SFMBT2: variants seen among roughly 807,000 people sequenced by gnomAD.
SFMBT2 encodes Scm like with four mbt domains 2.
SFMBT2 carries 38 observed loss-of-function variants against 110.1 expected under a neutral mutation model. That is an observed-to-expected ratio of 0.35 (90% CI 0.27 to 0.45). The LOEUF (loss-of-function observed/expected upper bound fraction) is 0.45, where lower values mean the gene tolerates loss of function less well. Among genes scored for constraint, SFMBT2 ranks in the 20% least tolerant of loss-of-function variants. The pLI is 1.00. For missense variants in SFMBT2, 1,011 were observed against 1,094.9 expected, an observed-to-expected ratio of 0.92 and a Z score of 1.08; for synonymous variants, 425 against 425.4, an observed-to-expected ratio of 1.00 and a Z score of 0.01.
At chr10:7,351,451 C>T (rs751898218) in intron 4 of SFMBT2, among the ~76,000 whole-genome samples, 1 of 152,198 alleles carries the variant, frequency 6.6e-6, no homozygotes, top group Non-Finnish European at 1.5e-5. Context: ...TCCTGTAAGG[C>T]AGGTCTCATT....
chr10:7,311,045 C>CA (rs201310544), intron 4 of SFMBT2, among the ~76,000 whole-genome samples: 1,113 of 96,868 alleles, frequency 0.011, 13 homozygotes, highest in East Asian at 0.036. Flanking sequence ...AACTCCATCT[C>CA]AAAAAAAAAA....
intron 14 of SFMBT2, among the ~76,000 whole-genome samples, chr10:7,199,650 A>AT (rs1838890920): frequency 6.6e-6 from 1 of 152,196 alleles, no homozygotes; most frequent in African/African-American, 2.4e-5. Context: ...TTACATGGAA[A>AT]TTTTTTGGTA....
In SFMBT2 at chr10:7,172,622, G is replaced by A. The variant is rs3740212; in HGVS notation, c.2024C>T (p.Pro675Leu). 6.2e-7 allele frequency: 1 copy of A among 1,614,096 alleles called. No individual in the cohort carries two copies. Among genetic ancestry groups the A allele is most frequent in the Non-Finnish European group, 8.5e-7 (1 of 1,180,038 alleles). Reference protein sequence around the residue: ...YGKRKKISKPPIGESNPDSGH... With the variant: ...YGKRKKISKPLIGESNPDSGH... The stretch of plus-strand genomic sequence containing the variant: ...GCTGTCGGGGTTGCTTTCCCCGATG[G>A]GGGGCTTGGAGATCTTCTTTCTCTT... Residue 675 changes from proline (P) to leucine (L), a missense_variant, in exon 18 of 21, where the codon CCC becomes CTC. Around this residue, in one of 2 missense-constraint regions of SFMBT2, gnomAD observed 979 missense variants for 1,016.1 expected, o/e 0.96. Transcript: ENST00000397167. This position sits in a 1 kb window ranked among gnomAD's most constrained non-coding sequence, Gnocchi z 4.6.
In SFMBT2 at chr10:7,172,994, G is replaced by C. The variant is rs1837937399; in HGVS notation, c.1985-333C>G. Among the ~76,000 whole-genome samples, 1 of 152,166 alleles carries C rather than the reference G, an allele frequency of 6.6e-6. No homozygotes were observed. Among genetic ancestry groups the C allele is most frequent in the African/African-American group, 2.4e-5 (1 of 41,424 alleles). ...TGAGGTCCTAAGAGTGTCCAGGAGA[G>C]ACACCAAGGACCCAAGACCCAAAGG... On this transcript the variant is annotated intron_variant, in intron 17 of 20. Coordinates refer to ENST00000397167, the MANE Select transcript of SFMBT2 (RefSeq NM_001387889.1). This position sits in a 1 kb window ranked among gnomAD's most constrained non-coding sequence, Gnocchi z 4.6.
In SFMBT2 at chr10:7,190,752, G is replaced by A. The variant is rs970205624; in HGVS notation, c.1699-2019C>T. On this transcript the variant is annotated intron_variant, in intron 15 of 20. Transcript: ENST00000397167. ...GCTTGATCAGAGAGGGTAGCAGGGA[G>A]CCTGCCCCTGCCCCCAAACTAATAG... Among the ~76,000 whole-genome samples the A allele has an allele frequency of 4.9e-4, 74 of 152,200 alleles. 3 individuals carry two copies.
intron 1 of SFMBT2, among the ~76,000 whole-genome samples, chr10:7,385,742 G>A (rs1025866991): frequency 1.2e-4 from 18 of 152,266 alleles, no homozygotes; most frequent in Non-Finnish European, 2.4e-4. Flanking sequence ...GCTCACGCCT[G>A]TAATCCCAGC....
rs112054869 is a variant in SFMBT2 at position 7,248,558 on chromosome 10, G to A, written c.962C>T (p.Ser321Leu). Residue 321 changes from serine to leucine, a missense_variant, in exon 8 of 21, where the codon TCG (serine) becomes TTG (leucine). Around this residue, in one of 2 missense-constraint regions of SFMBT2, gnomAD observed 979 missense variants for 1,016.1 expected, o/e 0.96. Coordinates refer to ENST00000397167, the MANE Select transcript of SFMBT2 (RefSeq NM_001387889.1). ...MCEPFYISPA[S>L]VTKVFNNHFF... is the part of the protein sequence containing the mutation. ...GGGAGGAAAACCCACCTTAGTCACC[G>A]ACGCAGGAGAGATGTAAAAGGGCTC... The A allele has an allele frequency of 2.4e-5, 38 of 1,613,996 alleles. No individual in the cohort carries two copies. In the Admixed American group the frequency reaches 4.8e-4, roughly 21 times the overall value.
chr10:7,355,872 C>T (rs957660533), intron 4 of SFMBT2, among the ~76,000 whole-genome samples: 1 of 152,172 alleles, frequency 6.6e-6, no homozygotes, highest in African/African-American at 2.4e-5. Context: ...GTTGGAAATT[C>T]TGTACTAATT....
At chr10:7,238,336 T>C (rs1186832400) in intron 9 of SFMBT2, among the ~76,000 whole-genome samples, 2 of 152,194 alleles carry the variant, frequency 1.3e-5, no homozygotes, top group Non-Finnish European at 2.9e-5. Flanking sequence ...GATGACTTGG[T>C]CTTCATTATA....
intron 10 of SFMBT2, among the ~76,000 whole-genome samples, chr10:7,225,742 CTT>C (rs1839881882): frequency 1.3e-5 from 2 of 152,088 alleles, no homozygotes; most frequent in Non-Finnish European, 2.9e-5. Context: ...AGAAATCACT[CTT>C]TAAATATAGA....
intron 4 of SFMBT2, among the ~76,000 whole-genome samples, chr10:7,363,536 C>T (rs972201592): frequency 5.9e-5 from 9 of 152,188 alleles, no homozygotes; most frequent in South Asian, 2.1e-4. Flanking sequence ...TTAGTAGAGA[C>T]GGAGTTTCAC....
chr10:7,190,904 T>C (rs1838578863), intron 15 of SFMBT2, among the ~76,000 whole-genome samples: 1 of 152,190 alleles, frequency 6.6e-6, no homozygotes, highest in African/African-American at 2.4e-5. Context: ...GGTAATTGAA[T>C]TGTAGGGGTG....
At chr10:7,174,118 G>GC (rs1406590394) in intron 17 of SFMBT2, among the ~76,000 whole-genome samples, 4 of 152,238 alleles carry the variant, frequency 2.6e-5, no homozygotes, top group South Asian at 2.1e-4. Context: ...TGCTCCGGGA[G>GC]CCCCGGCCTG....
intron 4 of SFMBT2, among the ~76,000 whole-genome samples, chr10:7,312,797 T>G (rs1842897212): frequency 6.6e-6 from 1 of 152,194 alleles, no homozygotes; most frequent in Non-Finnish European, 1.5e-5. Flanking sequence ...TCCCTTTAGT[T>G]AATTATAAAG....
At chr10:7,264,812 T>C (rs1170746435) in intron 7 of SFMBT2, among the ~76,000 whole-genome samples, 1 of 152,182 alleles carries the variant, frequency 6.6e-6, no homozygotes, top group Non-Finnish European at 1.5e-5. Context: ...CACAGTGCTC[T>C]CTTGGGCTTA....
intron 6 of SFMBT2, among the ~76,000 whole-genome samples, chr10:7,278,033 G>A (rs909972284): frequency 3.3e-5 from 5 of 152,130 alleles, no homozygotes; most frequent in Middle Eastern, 3.2e-3. Flanking sequence ...CCAAGCCATC[G>A]GTGCACTGCC....
At chr10:7,205,709 T>A in intron 12 of SFMBT2, 106 bp downstream of exon 12, 1 of 1,440,456 alleles carries the variant, frequency 6.9e-7, no homozygotes, top group Non-Finnish European at 9.2e-7. Flanking sequence ...AAATCAAAAA[T>A]CTTATTTGTT....
At chr10:7,284,275 T>C in intron 5 of SFMBT2, 125 bp from the exon 6 acceptor site, 2 of 1,484,456 alleles carry the variant, frequency 1.3e-6, no homozygotes, top group South Asian at 1.4e-5. Flanking sequence ...CAGTCTGGCG[T>C]TCCCTCCACC....
At chr10:7,294,419 A>G (rs1217941072) in intron 4 of SFMBT2, among the ~76,000 whole-genome samples, 1 of 152,220 alleles carries the variant, frequency 6.6e-6, no homozygotes, top group Non-Finnish European at 1.5e-5. Flanking sequence ...CTTGCATTGT[A>G]CAAGTATCTA....
Sources: gnomAD v4.1 joint callset for allele counts (sites outside exome capture counted in the v4.1 genomes callset) on GRCh38, gnomAD v4.1.1 for gene constraint, gnomAD v4.1.1 regional missense constraint, Gnocchi (gnomAD v3.1) non-coding constraint, MANE v1.5 for transcripts, NCBI Gene and HGNC (gene_info 2026-07-23, HGNC 2026-07-21) for gene names.